Variants in MXI1 observed in about 807,000 individuals in gnomAD.
MXI1 encodes the protein MAX interactor 1, dimerization protein.
MXI1 carries 18 observed loss-of-function variants against 36.9 expected under a neutral mutation model. The ratio of observed to expected loss-of-function variants is 0.49; its 90% confidence interval spans 0.34 to 0.72. The LOEUF is 0.72. Among genes scored for constraint, MXI1 ranks in the 30% least tolerant of loss-of-function variants. The pLI is 0.01. For synonymous variants in MXI1, 160 were observed against 146.7 expected, an observed-to-expected ratio of 1.09 and a Z score of -0.65; for missense variants, 304 against 379.1, an observed-to-expected ratio of 0.80 and a Z score of 1.64.
At chr10:110,265,082 A>G (rs756955709) in intron 3 of MXI1, among the ~76,000 whole-genome samples, 5 of 152,186 alleles carry the variant, frequency 3.3e-5, no homozygotes, top group Non-Finnish European at 7.4e-5. Context: ...GGCACCTTCA[A>G]TTTGCAAAAT....
chr10:110,261,364 A>G (rs1007351303), intron 3 of MXI1, among the ~76,000 whole-genome samples: 11 of 151,754 alleles, frequency 7.2e-5, no homozygotes, highest in South Asian at 6.2e-4. Context: ...GCAGCCTTCT[A>G]TGGATTGGCC....
In MXI1 at chr10:110,281,438, G is replaced by C. The variant is rs542788097; in HGVS notation, c.724+1353G>C. 2.0e-5 allele frequency among the ~76,000 whole-genome samples: 3 copies of C among 152,062 alleles called. No individual in the cohort carries two copies. In the East Asian group the frequency reaches 5.8e-4, roughly 29 times the overall value. On this transcript the variant is annotated intron_variant, in intron 5 of 5. Coordinates refer to ENST00000332674, the MANE Select transcript of MXI1 (RefSeq NM_130439.3). Reference sequence around the variant, plus strand: ...GTCTCAAAAATGGCATTTTACCATTGGTATGTTTAAATCAGGATCCAAAGG... The same window carrying C: ...GTCTCAAAAATGGCATTTTACCATTCGTATGTTTAAATCAGGATCCAAAGG...
chr10:110,282,694 G>T (rs903024274), intron 5 of MXI1, among the ~76,000 whole-genome samples: 1 of 151,816 alleles, frequency 6.6e-6, no homozygotes, highest in African/African-American at 2.4e-5. Context: ...TTACTTTAGC[G>T]GTACCTTACC....
chr10:110,257,580 G>A (rs1856356399), intron 3 of MXI1: 2 of 154,290 alleles, frequency 1.3e-5, no homozygotes, highest in Admixed American at 1.3e-4. Flanking sequence ...CAGAGTGCTG[G>A]GATTACAGGC....
intron 3 of MXI1, among the ~76,000 whole-genome samples, chr10:110,253,083 G>A (rs1856157197): frequency 6.6e-6 from 1 of 151,896 alleles, no homozygotes; most frequent in Non-Finnish European, 1.5e-5. Context: ...CTATACTTGT[G>A]GGATCTTTAT....
At chr10:110,231,369 C>CG (rs902935719) in intron 2 of MXI1, among the ~76,000 whole-genome samples, 2 of 150,634 alleles carry the variant, frequency 1.3e-5, no homozygotes, top group East Asian at 3.9e-4. Context: ...TCCACCCCCC[C>CG]CCCCTCAAAA....
chr10:110,282,866 A>G (rs1381878372), intron 5 of MXI1, among the ~76,000 whole-genome samples: 1 of 152,154 alleles, frequency 6.6e-6, no homozygotes, highest in African/African-American at 2.4e-5. Flanking sequence ...TTTTATTAAA[A>G]TAGAGATGGG....
chr10:110,218,863 G>A (rs1242972129), intron 1 of MXI1, among the ~76,000 whole-genome samples: 1 of 152,232 alleles, frequency 6.6e-6, no homozygotes, highest in East Asian at 1.9e-4. Context: ...CCAGAGGAGA[G>A]AGGCAAGTGT....
intron 5 of MXI1, among the ~76,000 whole-genome samples, chr10:110,281,821 T>C (rs2855469): frequency 0.44 from 66,477 of 152,074 alleles, 17,623 homozygotes; most frequent in East Asian, 0.84. Flanking sequence ...CTTCCTGTTA[T>C]GTCAGTATTG....
At chr10:110,248,751 T>C (rs549664273) in intron 3 of MXI1, among the ~76,000 whole-genome samples, 101 of 152,240 alleles carry the variant, frequency 6.6e-4, no homozygotes, top group Non-Finnish European at 1.1e-3. Context: ...CACTCTCTCT[T>C]TACTCTTTTT....
At chr10:110,216,665 GTTTT>G (rs10656872) in intron 1 of MXI1, among the ~76,000 whole-genome samples, 12 of 79,054 alleles carry the variant, frequency 1.5e-4, no homozygotes, top group African/African-American at 5.6e-4. Context: ...TGTGTTTAAT[GTTTT>G]TTTTTTTTTT....
At chr10:110,237,604 A>C (rs1855519248) in intron 2 of MXI1, among the ~76,000 whole-genome samples, 1 of 152,236 alleles carries the variant, frequency 6.6e-6, no homozygotes, top group Non-Finnish European at 1.5e-5. Context: ...CAAACTTCAC[A>C]GGTTTGAGGA....
intron 5 of MXI1, 117 bp from the exon 6 acceptor site, chr10:110,284,707 C>A: frequency 1.0e-6 from 1 of 991,792 alleles, no homozygotes; most frequent in Non-Finnish European, 1.4e-6. Flanking sequence ...CCAGACATCA[C>A]TGATAATAAG....
At chr10:110,269,631 T>A (rs979313921) in intron 3 of MXI1, among the ~76,000 whole-genome samples, 1 of 152,188 alleles carries the variant, frequency 6.6e-6, no homozygotes, top group African/African-American at 2.4e-5. Flanking sequence ...ATTTTGTACA[T>A]AAAATTAGGT....
intron 1 of MXI1, among the ~76,000 whole-genome samples, chr10:110,220,791 T>A (rs1854784815): frequency 6.6e-6 from 1 of 152,130 alleles, no homozygotes; most frequent in South Asian, 2.1e-4. Context: ...GATGCAGAAA[T>A]CCTAAACAAA....
At chr10:110,261,880 AT>A (rs1856524911) in intron 3 of MXI1, among the ~76,000 whole-genome samples, 1 of 152,138 alleles carries the variant, frequency 6.6e-6, no homozygotes, top group Non-Finnish European at 1.5e-5. Flanking sequence ...AGTGTTTATA[AT>A]AAAAATTAGA....
At chr10:110,248,649 A>G (rs980535096) in intron 3 of MXI1, among the ~76,000 whole-genome samples, 1 of 152,100 alleles carries the variant, frequency 6.6e-6, no homozygotes, top group Non-Finnish European at 1.5e-5. Flanking sequence ...TGATTTCCTC[A>G]TCATCTTCTA....
intron 1 of MXI1, among the ~76,000 whole-genome samples, chr10:110,215,639 C>T (rs1278109069): frequency 2.0e-5 from 3 of 152,090 alleles, no homozygotes; most frequent in Non-Finnish European, 4.4e-5. Flanking sequence ...AGGGTGTGTC[C>T]GGTTATTGCA....
intron 3 of MXI1, among the ~76,000 whole-genome samples, chr10:110,278,726 G>GTGCA (rs1554859687): frequency 0.02 from 2,976 of 149,748 alleles, 98 homozygotes; most frequent in African/African-American, 0.044. Flanking sequence ...GTGTGTGTGT[G>GTGCA]TGCCCACACA....
Sources: gnomAD v4.1 joint callset for allele counts (sites outside exome capture counted in the v4.1 genomes callset) on GRCh38, gnomAD v4.1.1 for gene constraint, MANE v1.5 for transcripts, NCBI Gene and HGNC (gene_info 2026-07-23, HGNC 2026-07-21) for gene names.